IQCM: variants seen among roughly 807,000 people sequenced by gnomAD.
IQCM encodes the protein IQ domain-containing protein M.
A neutral mutation model predicts 57.6 loss-of-function variants in IQCM; 45 were observed. That is an observed-to-expected ratio of 0.78 (90% CI 0.62 to 1.00). The LOEUF (loss-of-function observed/expected upper bound fraction) is 1.00, where lower values mean the gene tolerates loss of function less well. IQCM is among the 50% of genes least tolerant of loss of function. The probability of loss-of-function intolerance (pLI) is 0.00; values close to 1 mark genes in which losing one functional copy is unlikely to be tolerated. For missense variants in IQCM, 468 were observed against 511.6 expected (o/e 0.91, Z 0.82); for synonymous variants, 148 against 158.9 (o/e 0.93, Z 0.51).
chr4:149,518,130 C>A (rs1259905856), intron 12 of IQCM, among the ~76,000 whole-genome samples: 1 of 151,978 alleles, frequency 6.6e-6, no homozygotes, highest in Non-Finnish European at 1.5e-5. Flanking sequence ...AAGCCCAACA[C>A]CAAAGGATGA....
At chr4:149,759,039 G>C (rs1159393624) in intron 2 of IQCM, among the ~76,000 whole-genome samples, 1 of 152,138 alleles carries the variant, frequency 6.6e-6, no homozygotes, top group East Asian at 1.9e-4. Context: ...TAAAACAGAA[G>C]CAACCACGAT....
intron 7 of IQCM, among the ~76,000 whole-genome samples, chr4:149,654,438 C>T (rs1178369419): frequency 6.6e-6 from 1 of 152,050 alleles, no homozygotes; most frequent in East Asian, 1.9e-4. Flanking sequence ...TCTCCTCATG[C>T]CCCCACCACT....
chr4:149,404,997 C>T (rs1352348757), intron 13 of IQCM, among the ~76,000 whole-genome samples: 1 of 151,822 alleles, frequency 6.6e-6, no homozygotes, highest in Non-Finnish European at 1.5e-5. Flanking sequence ...GGAGAAGCAA[C>T]AATTCAGGAA....
intron 7 of IQCM, among the ~76,000 whole-genome samples, chr4:149,631,265 A>G (rs1291249795): frequency 6.6e-6 from 1 of 152,182 alleles, no homozygotes; most frequent in African/African-American, 2.4e-5. Context: ...TGTGGATTTC[A>G]ATCCCTGTAC....
At chr4:149,674,930 T>C (rs546379912) in intron 7 of IQCM, among the ~76,000 whole-genome samples, 1 of 152,194 alleles carries the variant, frequency 6.6e-6, no homozygotes, top group African/African-American at 2.4e-5. Flanking sequence ...AGGCTCCCAG[T>C]AGGAATTTTA....
chr4:149,550,880 T>C (rs1748963328), intron 11 of IQCM, among the ~76,000 whole-genome samples: 1 of 152,210 alleles, frequency 6.6e-6, no homozygotes, highest in South Asian at 2.1e-4. Context: ...ATTATTCATT[T>C]ACCAATTTCT....
chr4:149,363,502 G>T (rs888436927), intron 13 of IQCM, among the ~76,000 whole-genome samples: 2 of 152,020 alleles, frequency 1.3e-5, no homozygotes, highest in Non-Finnish European at 2.9e-5. Context: ...GACTATATAT[G>T]TATCTACATA....
intron 7 of IQCM, among the ~76,000 whole-genome samples, chr4:149,673,193 G>A (rs959376273): frequency 5.3e-5 from 8 of 152,130 alleles, no homozygotes; most frequent in South Asian, 2.1e-4. Flanking sequence ...AAAGACCATC[G>A]ATGCTAGGAA....
chr4:149,762,200 T>C (rs1769586807), intron 2 of IQCM, among the ~76,000 whole-genome samples: 1 of 150,220 alleles, frequency 6.7e-6, no homozygotes, highest in Admixed American at 6.7e-5. Context: ...TTTTCATGAT[T>C]AAAGGATAAA....
intron 13 of IQCM, among the ~76,000 whole-genome samples, chr4:149,360,491 G>A (rs1324019897): frequency 6.6e-6 from 1 of 152,136 alleles, no homozygotes; most frequent in Non-Finnish European, 1.5e-5. Context: ...ATATGGTTTG[G>A]CTGTGTCCCC....
At chr4:149,758,766 C>A (rs891398641) in intron 2 of IQCM, among the ~76,000 whole-genome samples, 1 of 147,828 alleles carries the variant, frequency 6.8e-6, no homozygotes. Flanking sequence ...CCACTACACA[C>A]TTATTAGAAT....
chr4:149,445,707 G>A (rs757278067), intron 12 of IQCM, among the ~76,000 whole-genome samples: 2 of 151,596 alleles, frequency 1.3e-5, no homozygotes, highest in Admixed American at 6.6e-5. Context: ...CTTTCATAAC[G>A]GCTAACAGCT....
chr4:149,458,039 T>G (rs1737886636), intron 12 of IQCM, among the ~76,000 whole-genome samples: 1 of 151,434 alleles, frequency 6.6e-6, no homozygotes. Flanking sequence ...TAAAATAGAG[T>G]AGGGAGGTAG....
intron 8 of IQCM, among the ~76,000 whole-genome samples, chr4:149,590,653 C>A (rs1051282895): frequency 5.3e-5 from 8 of 151,934 alleles, no homozygotes; most frequent in African/African-American, 1.7e-4. Flanking sequence ...TCCTTGTCTC[C>A]ACGTGTTCTC....
chr4:149,463,807 A>G (rs1172616849), intron 12 of IQCM, among the ~76,000 whole-genome samples: 5 of 152,218 alleles, frequency 3.3e-5, no homozygotes, highest in Non-Finnish European at 7.3e-5. Context: ...TCAAAATTAA[A>G]ATCATAATGA....
At chr4:149,495,414 A>T (rs1742553530) in intron 12 of IQCM, among the ~76,000 whole-genome samples, 1 of 152,152 alleles carries the variant, frequency 6.6e-6, no homozygotes, top group African/African-American at 2.4e-5. Flanking sequence ...GAATATAGTG[A>T]CAAGCCCAAG....
At chr4:149,365,348 A>G (rs1417863184) in intron 13 of IQCM, among the ~76,000 whole-genome samples, 1 of 152,222 alleles carries the variant, frequency 6.6e-6, no homozygotes, top group African/African-American at 2.4e-5. Flanking sequence ...GTATTAGATT[A>G]GAATTCAAAC....
At chr4:149,656,260 T>C (rs1199218049) in intron 7 of IQCM, among the ~76,000 whole-genome samples, 3 of 152,144 alleles carry the variant, frequency 2.0e-5, no homozygotes, top group Non-Finnish European at 4.4e-5. Context: ...CTTCAATTAA[T>C]GTTTTGAATA....
intron 10 of IQCM, among the ~76,000 whole-genome samples, chr4:149,562,792 T>C (rs1352367201): frequency 6.6e-6 from 1 of 152,208 alleles, no homozygotes; most frequent in Non-Finnish European, 1.5e-5. Context: ...TGTTAGTACA[T>C]GTAAAAATTT....
Sources: gnomAD v4.1 joint callset for allele counts (sites outside exome capture counted in the v4.1 genomes callset) on GRCh38, gnomAD v4.1.1 for gene constraint, MANE v1.5 for transcripts, NCBI Gene and HGNC (gene_info 2026-07-23, HGNC 2026-07-21) for gene names.